The following MANBA variants were observed in gnomAD, a reference collection of about 807,000 sequenced individuals.
MANBA encodes the protein beta-mannosidase.
In MANBA, 83 loss-of-function variants were observed where a neutral mutation model predicts 111.1. The observed-to-expected ratio is 0.75, with a 90% CI of 0.63 to 0.90. The LOEUF is 0.90. Among genes scored for constraint, MANBA ranks in the 40% least tolerant of loss-of-function variants. MANBA has a pLI of 0.00. For missense variants in MANBA, 1,036 were observed against 1,069.0 expected (o/e 0.97, Z 0.43); for synonymous variants, 370 against 378.7 (o/e 0.98, Z 0.27).
Position 102,752,510 on chromosome 4 carries a change from T to C in MANBA, c.177+8208A>G, listed in dbSNP as rs1032140204. ...TTGTGGGATACAAGAAGTTGTATGA[T>C]CTGGCTGCTCATGAAGACAAAGTTC... On this transcript the variant is annotated intron_variant, in intron 1 of 16. Coordinates refer to ENST00000647097, the MANE Select transcript of MANBA (RefSeq NM_005908.4). The C allele has an allele frequency of 5.2e-5, 38 of 725,926 alleles. 1 individual carries two copies. Among genetic ancestry groups the C allele is most frequent in the South Asian group, 3.2e-4 (24 of 74,172 alleles). The allele number at this position is 725,926 out of a possible 1,614,324, so 45.0% of individuals were successfully genotyped here. A position where few individuals can be genotyped will look rare whatever the true frequency, so the allele number is the denominator to read the frequency against.
chr4:102,713,759 G>A (rs960573047), intron 5 of MANBA, among the ~76,000 whole-genome samples: 1 of 152,002 alleles, frequency 6.6e-6, no homozygotes, highest in Non-Finnish European at 1.5e-5. Context: ...AGCTGGGCGT[G>A]GTGGCACATG....
chr4:102,720,554 G>A (rs1206127692), intron 4 of MANBA, among the ~76,000 whole-genome samples: 2 of 151,678 alleles, frequency 1.3e-5, no homozygotes, highest in South Asian at 2.1e-4. Context: ...GCAGTGAGCC[G>A]AGGTCATGCC....
intron 1 of MANBA, among the ~76,000 whole-genome samples, chr4:102,755,007 G>A (rs533379180): frequency 6.6e-6 from 1 of 152,170 alleles, no homozygotes; most frequent in Non-Finnish European, 1.5e-5. Flanking sequence ...CATGCTCATG[G>A]ATAGGAAGAA....
chr4:102,725,110 TG>T (rs550568298), intron 2 of MANBA, among the ~76,000 whole-genome samples: 1 of 152,130 alleles, frequency 6.6e-6, no homozygotes, highest in Non-Finnish European at 1.5e-5. Context: ...CAATGGGAAA[TG>T]ACTGCTAATG....
chr4:102,674,177 C>T, intron 7 of MANBA, 107 bp from the exon 8 acceptor site: 5 of 780,218 alleles, frequency 6.4e-6, no homozygotes, highest in Admixed American at 2.4e-5. Context: ...TAGTTTAATG[C>T]TAATTTTCCT....
chr4:102,652,212 A>G (rs1013324284), intron 12 of MANBA, among the ~76,000 whole-genome samples: 2 of 152,162 alleles, frequency 1.3e-5, no homozygotes, highest in Admixed American at 6.5e-5. Context: ...CCATCTAGCT[A>G]TACTTTTGTA....
At chr4:102,731,040 C>T (rs1056823705) in intron 1 of MANBA, among the ~76,000 whole-genome samples, 2 of 152,136 alleles carry the variant, frequency 1.3e-5, no homozygotes, top group Non-Finnish European at 2.9e-5. Context: ...TGCAGTCCAA[C>T]CCCAGCCCAA....
At chr4:102,704,090 A>G (rs114339243) in intron 5 of MANBA, among the ~76,000 whole-genome samples, 4,029 of 151,596 alleles carry the variant, frequency 0.027, 126 homozygotes, top group African/African-American at 0.074. Flanking sequence ...GCAAAACTCT[A>G]TCTCGAAAAA....
intron 12 of MANBA, 155 bp from the exon 13 acceptor site, chr4:102,650,856 C>G (rs1730302843): frequency 1.5e-6 from 1 of 654,518 alleles, no homozygotes; most frequent in African/African-American, 1.8e-5. Context: ...TACCATCCTA[C>G]TTGTTGCCAG....
At chr4:102,690,061 T>C (rs1732405432) in intron 6 of MANBA, among the ~76,000 whole-genome samples, 1 of 152,212 alleles carries the variant, frequency 6.6e-6, no homozygotes, top group Non-Finnish European at 1.5e-5. Flanking sequence ...GTTCTTACTT[T>C]ATCTCAACAG....
chr4:102,710,577 C>T (rs574555905), intron 5 of MANBA, among the ~76,000 whole-genome samples: 2 of 152,042 alleles, frequency 1.3e-5, no homozygotes, highest in Admixed American at 6.5e-5. Context: ...TTAAAATGAC[C>T]ACCATACTAC....
intron 10 of MANBA, chr4:102,666,660 T>C (rs1467291754): frequency 1.4e-5 from 2 of 146,324 alleles, no homozygotes; most frequent in African/African-American, 5.6e-5. Flanking sequence ...GAGTCCCGCA[T>C]TAAGAGGATC....
chr4:102,637,982 G>A (rs1177371534), intron 14 of MANBA, among the ~76,000 whole-genome samples: 1 of 152,234 alleles, frequency 6.6e-6, no homozygotes, highest in African/African-American at 2.4e-5. Flanking sequence ...CAATCTGCAG[G>A]TAGATAGTGT....
At chr4:102,663,994 G>A (rs1326202756) in intron 11 of MANBA, among the ~76,000 whole-genome samples, 1 of 152,126 alleles carries the variant, frequency 6.6e-6, no homozygotes, top group Non-Finnish European at 1.5e-5. Context: ...TCACATACCA[G>A]GACATTCATA....
chr4:102,729,915 G>A, intron 1 of MANBA: 1 of 1,511,524 alleles, frequency 6.6e-7, no homozygotes. Flanking sequence ...GGTGCGCACA[G>A]CCTGGATGTT....
chr4:102,719,324 A>G (rs1474599883), intron 4 of MANBA, among the ~76,000 whole-genome samples: 1 of 152,108 alleles, frequency 6.6e-6, no homozygotes, highest in Non-Finnish European at 1.5e-5. Context: ...ATTCTGCCTG[A>G]CCCCACAGGC....
intron 5 of MANBA, among the ~76,000 whole-genome samples, chr4:102,700,574 G>C (rs1322619733): frequency 6.6e-6 from 1 of 151,930 alleles, no homozygotes; most frequent in African/African-American, 2.4e-5. Flanking sequence ...GTTCTCGTTG[G>C]TTTCAAAAAA....
Position 102,664,853 on chromosome 4 carries a change from C to G in MANBA, c.1318-1G>C, listed in dbSNP as rs374545788. On this transcript the variant is annotated splice_acceptor_variant, in intron 10 of 16. Coordinates refer to ENST00000647097, the MANE Select transcript of MANBA (RefSeq NM_005908.4). LOFTEE classifies it high-confidence loss of function. The stretch of plus-strand genomic sequence containing the variant: ...AAGGATGAGATTTCAGTCTCTTGAT[C>G]TGAAAATTAAGAAAACATAAAATGA... 1 of 1,594,092 alleles carries G rather than the reference C, an allele frequency of 6.3e-7. No individual in the cohort carries two copies. Among genetic ancestry groups the G allele is most frequent in the African/African-American group, 1.3e-5 (1 of 74,464 alleles).
chr4:102,640,146 T>G (rs907375055), intron 13 of MANBA, among the ~76,000 whole-genome samples: 1 of 152,170 alleles, frequency 6.6e-6, no homozygotes, highest in African/African-American at 2.4e-5. Flanking sequence ...CTAATGATAG[T>G]GTAGGCCGTA....
Sources: gnomAD v4.1 joint callset for allele counts (sites outside exome capture counted in the v4.1 genomes callset) on GRCh38, gnomAD v4.1.1 for gene constraint, MANE v1.5 for transcripts, NCBI Gene and HGNC (gene_info 2026-07-23, HGNC 2026-07-21) for gene names.